ZFYVE16: variants seen among roughly 807,000 people sequenced by gnomAD.
The protein encoded by ZFYVE16 is zinc finger FYVE-type containing 16, also known as zinc finger FYVE domain-containing protein 16.
A neutral mutation model predicts 138.1 loss-of-function variants in ZFYVE16; 89 were observed. The ratio of observed to expected loss-of-function variants is 0.64; its 90% CI spans 0.54 to 0.77. ZFYVE16 has a LOEUF of 0.77. ZFYVE16 is among the 30% of genes least tolerant of loss of function. The pLI, the probability that ZFYVE16 is intolerant of heterozygous loss-of-function variation, is 0.00. For synonymous variants in ZFYVE16, 596 were observed against 618.3 expected, an observed-to-expected ratio of 0.96 and a Z score of 0.53; for missense variants, 1,793 against 1,786.7, an observed-to-expected ratio of 1.00 and a Z score of -0.06.
At chr5:80,468,809 TTATC>T (rs1753996198) in intron 15 of ZFYVE16, among the ~76,000 whole-genome samples, 1 of 152,190 alleles carries the variant, frequency 6.6e-6, no homozygotes, top group African/African-American at 2.4e-5. Context: ...TTATAATAAT[TTATC>T]TGTCGATTCT....
intron 15 of ZFYVE16, among the ~76,000 whole-genome samples, chr5:80,463,158 T>C (rs1279241463): frequency 6.6e-6 from 1 of 152,154 alleles, no homozygotes; most frequent in African/African-American, 2.4e-5. Context: ...TGGGGACTCT[T>C]TGTGGGGACA....
At chr5:80,475,763 T>C (rs914710044) in intron 18 of ZFYVE16, among the ~76,000 whole-genome samples, 21 of 152,230 alleles carry the variant, frequency 1.4e-4, no homozygotes, top group African/African-American at 4.8e-4. Flanking sequence ...TTGATATATG[T>C]TGATAGACAT....
At position 80,481,656 on chromosome 5, in the gene ZFYVE16, A is replaced by G. The variant is rs1445973270; in HGVS notation, c.*4279A>G. Among the ~76,000 whole-genome samples the G allele has an allele frequency of 2.0e-5, 3 of 152,246 alleles. No individual in the cohort carries two copies. Among genetic ancestry groups the G allele is most frequent in the Non-Finnish European group, 2.9e-5 (2 of 68,048 alleles). ...ATTCTTATGAAGATTTAAACAGGAT[A>G]GAGAATATCATAATATTCCAAATAT... is the stretch of plus-strand genomic sequence containing the variant. On this transcript the variant is annotated 3_prime_UTR_variant, in exon 19 of 19. Coordinates refer to ENST00000505560, the MANE Select transcript of ZFYVE16 (RefSeq NM_001284236.3).
intron 1 of ZFYVE16, among the ~76,000 whole-genome samples, chr5:80,415,632 C>T (rs897763226): frequency 6.6e-6 from 1 of 151,862 alleles, no homozygotes; most frequent in African/African-American, 2.4e-5. Flanking sequence ...AGATAAAGTA[C>T]AATTTTCATC....
chr5:80,439,890 A>AAG, intron 4 of ZFYVE16, 46 bp from the exon 5 acceptor site: 1 of 1,535,830 alleles, frequency 6.5e-7, no homozygotes, highest in Non-Finnish European at 8.9e-7. Context: ...TAGTAGGTGT[A>AAG]AGTATTCTTG....
chr5:80,457,475 G>A (rs527789418), intron 14 of ZFYVE16, among the ~76,000 whole-genome samples: 212 of 152,220 alleles, frequency 1.4e-3, no homozygotes, highest in Non-Finnish European at 2.3e-3. Flanking sequence ...TTTATAAAAC[G>A]TAACAAACAG....
intron 10 of ZFYVE16, 33 bp downstream of exon 10, chr5:80,450,619 G>A (rs1213423965): frequency 6.3e-7 from 1 of 1,588,438 alleles, no homozygotes; most frequent in African/African-American, 1.4e-5. Context: ...GTTCAGACTG[G>A]GGAATGGATA....
intron 18 of ZFYVE16, 90 bp from the exon 19 acceptor site, chr5:80,477,129 G>A (rs1355130460): frequency 1.8e-6 from 2 of 1,101,468 alleles, no homozygotes; most frequent in Admixed American, 3.2e-5. Flanking sequence ...TGCTTGAACT[G>A]TATTTTAAAA....
chr5:80,481,935 T>C lies in ZFYVE16; in HGVS notation c.*4558T>C, dbSNP rs1186790491. Among the ~76,000 whole-genome samples the C allele has an allele frequency of 6.6e-6, 1 of 152,210 alleles. No individual in the cohort carries two copies. The highest frequency in any genetic ancestry group is 1.5e-5 in the Non-Finnish European group (1 of 68,038). The stretch of plus-strand genomic sequence containing the variant: ...CCAGGGTGCAAGTGATTCTCCTGTC[T>C]CAGCCTCCTGAGTAGCTGTGACTAC... On this transcript the variant is annotated 3_prime_UTR_variant, in exon 19 of 19. Transcript: ENST00000505560.
intron 7 of ZFYVE16, among the ~76,000 whole-genome samples, chr5:80,446,596 TC>T (rs1339257923): frequency 1.3e-5 from 2 of 152,156 alleles, no homozygotes; most frequent in African/African-American, 4.8e-5. Context: ...TTCTAGGACC[TC>T]ACCAATTCCC....
intron 15 of ZFYVE16, among the ~76,000 whole-genome samples, chr5:80,465,400 G>GTTTTTTTT (rs3072097): frequency 0.034 from 903 of 26,756 alleles, 294 homozygotes; most frequent in East Asian, 0.092. Flanking sequence ...CCTTTTCTTT[G>GTTTTTTTT]TTTTTTTTTT....
In ZFYVE16 at chr5:80,412,315, A is replaced by G. The variant is rs536007211; in HGVS notation, c.-94+4162A>G. Among the ~76,000 whole-genome samples the G allele has an allele frequency of 5.9e-5, 9 of 152,302 alleles. No homozygotes were observed. The East Asian group carries it at 1.7e-3, about 29-fold the overall frequency. ...CGAAGATTTTTTCTTAAATTTAAAA[A>G]TATATAAATAGCCAAGTGAGTAAAA... On this transcript the variant is annotated intron_variant, in intron 1 of 18. Transcript: ENST00000505560.
At chr5:80,462,691 T>C (rs758156006) in intron 15 of ZFYVE16, among the ~76,000 whole-genome samples, 7 of 152,144 alleles carry the variant, frequency 4.6e-5, no homozygotes, top group South Asian at 2.1e-4. Flanking sequence ...AACCCAAAAG[T>C]CCAAGTCCAA....
At position 80,460,666 on chromosome 5, in the gene ZFYVE16, C is replaced by T. The variant is rs191152146; in HGVS notation, c.4024+1172C>T. Among the ~76,000 whole-genome samples the T allele has an allele frequency of 7.1e-4, 108 of 152,170 alleles. 2 individuals carry two copies. The highest frequency in any genetic ancestry group is 2.5e-3 in the African/African-American group (102 of 41,526). On this transcript the variant is annotated intron_variant, in intron 15 of 18. Transcript: ENST00000505560. ...TCAGATATTGAATTTTCCCTTTGCC[C>T]TGGTAATTGTTAATGCTATCTCTGT... is the stretch of plus-strand genomic sequence containing the variant.
chr5:80,445,116 C>G, intron 6 of ZFYVE16, 147 bp from the exon 7 acceptor site: 2 of 774,586 alleles, frequency 2.6e-6, no homozygotes, highest in South Asian at 3.8e-5. Context: ...TCACAAAAGG[C>G]CATTTCTCTA....
At chr5:80,441,843 C>A in intron 5 of ZFYVE16, 3 of 985,302 alleles carry the variant, frequency 3.0e-6, no homozygotes, top group Non-Finnish European at 3.6e-6. Flanking sequence ...GCATTGATAG[C>A]AGATCAGTTT....
At chr5:80,455,537 A>C (rs1752437085) in intron 11 of ZFYVE16, 155 bp from the exon 12 acceptor site, 2 of 659,702 alleles carry the variant, frequency 3.0e-6, no homozygotes, top group African/African-American at 1.9e-5. Context: ...TTGTCTCAAA[A>C]ACAAAAAAAA....
chr5:80,474,772 CTCTAAAAAG>C lies in ZFYVE16; in HGVS notation c.4405_4413del (p.Leu1469_Ser1471del), dbSNP rs1375615371. The C allele has an allele frequency of 6.2e-7, 1 of 1,613,552 alleles. No individual in the cohort carries two copies. Among genetic ancestry groups the C allele is most frequent in the African/African-American group, 1.3e-5 (1 of 74,884 alleles). On this transcript the variant is annotated inframe_deletion, in exon 18 of 19. Transcript: ENST00000505560. ...GCTGCGCTGTGCCCTCACCTGAAAA[CTCTAAAAAG>C]TAATGGGATGAATAAAATTGGACTC...
chr5:80,409,712 C>G (rs1300432630), intron 1 of ZFYVE16: 1 of 152,216 alleles, frequency 6.6e-6, no homozygotes, highest in Admixed American at 6.5e-5. Flanking sequence ...ATGAAGAAAA[C>G]ACCAGCCTTG....
Sources: gnomAD v4.1 joint callset for allele counts (sites outside exome capture counted in the v4.1 genomes callset) on GRCh38, gnomAD v4.1.1 for gene constraint, MANE v1.5 for transcripts, NCBI Gene and HGNC (gene_info 2026-07-23, HGNC 2026-07-21) for gene names.